GPM6A: variants seen among roughly 807,000 people sequenced by gnomAD.
The protein encoded by GPM6A is glycoprotein M6A.
In GPM6A, 7 loss-of-function variants were observed where a neutral mutation model predicts 32.1. The ratio of observed to expected loss-of-function variants is 0.22; its 90% CI spans 0.12 to 0.41. The LOEUF is 0.41. Ranked by LOEUF, GPM6A falls within the 10% of genes least tolerant of loss-of-function variation. GPM6A has a pLI of 1.00. For missense variants in GPM6A, 235 were observed against 347.2 expected (o/e 0.68, Z 2.57); for synonymous variants, 130 against 123.4 (o/e 1.05, Z -0.35).
intron 3 of GPM6A, among the ~76,000 whole-genome samples, chr4:175,660,081 G>T (rs1395354672): frequency 6.6e-6 from 1 of 152,030 alleles, no homozygotes; most frequent in Non-Finnish European, 1.5e-5. Flanking sequence ...ACAAGTAAAA[G>T]ATTTTGGGGG....
intron 1 of GPM6A, among the ~76,000 whole-genome samples, chr4:175,924,964 G>A (rs1738786795): frequency 6.6e-6 from 1 of 151,136 alleles, no homozygotes; most frequent in Non-Finnish European, 1.5e-5. Context: ...TTTTAATTTT[G>A]TAAAGAACAT....
intron 6 of GPM6A, 100 bp from the exon 7 acceptor site, chr4:175,635,157 G>T: frequency 1.2e-6 from 1 of 836,678 alleles, no homozygotes; most frequent in Non-Finnish European, 1.9e-6. Context: ...CTCTTTATAG[G>T]AAATGTTCAC....
At chr4:175,783,053 A>G (rs1333642058) in intron 1 of GPM6A, among the ~76,000 whole-genome samples, 2 of 152,016 alleles carry the variant, frequency 1.3e-5, no homozygotes. Flanking sequence ...TAGTTTAATG[A>G]CAGTTTATTT....
At chr4:175,824,865 G>A (rs185472249) in intron 1 of GPM6A, among the ~76,000 whole-genome samples, 82 of 152,242 alleles carry the variant, frequency 5.4e-4, no homozygotes, top group African/African-American at 1.9e-3. Flanking sequence ...CTACAACTAC[G>A]AGGAAGCAAA....
At chr4:175,840,307 T>G (rs1384639664) in intron 1 of GPM6A, among the ~76,000 whole-genome samples, 1 of 152,228 alleles carries the variant, frequency 6.6e-6, no homozygotes, top group Admixed American at 6.5e-5. Flanking sequence ...TAAAGAAATT[T>G]TCTCCATTAT....
At chr4:175,685,044 C>T (rs538026599) in intron 2 of GPM6A, among the ~76,000 whole-genome samples, 6 of 152,136 alleles carry the variant, frequency 3.9e-5, no homozygotes, top group Non-Finnish European at 4.4e-5. Context: ...CCCACCACCA[C>T]GCCCGGCTAA....
At chr4:175,876,463 A>G (rs1349263581) in intron 1 of GPM6A, among the ~76,000 whole-genome samples, 1 of 152,202 alleles carries the variant, frequency 6.6e-6, no homozygotes, top group Non-Finnish European at 1.5e-5. Flanking sequence ...ATTTCTGGAG[A>G]GAAAATATGC....
At chr4:175,695,600 G>A (rs1460757777) in intron 2 of GPM6A, among the ~76,000 whole-genome samples, 1 of 152,190 alleles carries the variant, frequency 6.6e-6, no homozygotes, top group African/African-American at 2.4e-5. Flanking sequence ...CCCAATGCCT[G>A]TAACTCAATT....
intron 1 of GPM6A, among the ~76,000 whole-genome samples, chr4:175,761,056 A>C (rs1661963433): frequency 6.6e-6 from 1 of 152,120 alleles, no homozygotes; most frequent in Admixed American, 6.5e-5. Flanking sequence ...TGAGGGAGAA[A>C]GTTATGTATC....
intron 1 of GPM6A, among the ~76,000 whole-genome samples, chr4:175,733,460 G>A (rs1370911059): frequency 6.6e-6 from 1 of 152,090 alleles, no homozygotes; most frequent in Non-Finnish European, 1.5e-5. Context: ...CCAAGATTGC[G>A]CCACTGCACT....
At chr4:175,664,104 T>C (rs551278672) in intron 3 of GPM6A, among the ~76,000 whole-genome samples, 14 of 152,288 alleles carry the variant, frequency 9.2e-5, no homozygotes, top group Non-Finnish European at 2.1e-4. Context: ...AAAAGCTATA[T>C]ACTACATGAT....
intron 2 of GPM6A, among the ~76,000 whole-genome samples, chr4:175,693,548 C>T (rs2111042758): frequency 6.6e-6 from 1 of 152,016 alleles, no homozygotes; most frequent in Admixed American, 6.6e-5. Context: ...AGCAAATCAC[C>T]TCATTTCAAG....
At chr4:175,889,239 C>T (rs751603867) in intron 1 of GPM6A, among the ~76,000 whole-genome samples, 1 of 151,840 alleles carries the variant, frequency 6.6e-6, no homozygotes. Flanking sequence ...TATTTTTAAG[C>T]GACAAATAAT....
intron 1 of GPM6A, among the ~76,000 whole-genome samples, chr4:175,711,853 A>T (rs557146542): frequency 1.3e-5 from 2 of 152,196 alleles, no homozygotes; most frequent in African/African-American, 4.8e-5. Context: ...CGCTCAATGA[A>T]TTCCACTCAT....
chr4:175,885,810 T>C (rs1320042755), intron 1 of GPM6A, among the ~76,000 whole-genome samples: 2 of 152,196 alleles, frequency 1.3e-5, no homozygotes, highest in Non-Finnish European at 2.9e-5. Context: ...TGAAAACTAA[T>C]TGGTCTGTAA....
chr4:175,842,716 A>C (rs1057322077), intron 1 of GPM6A, among the ~76,000 whole-genome samples: 7 of 152,118 alleles, frequency 4.6e-5, no homozygotes, highest in Non-Finnish European at 8.8e-5. Flanking sequence ...AATTTAAAAA[A>C]CAGAGAGAAT....
chr4:175,873,579 G>T (rs11133117), intron 1 of GPM6A, among the ~76,000 whole-genome samples: 60,811 of 151,890 alleles, frequency 0.4, 13,014 homozygotes, highest in African/African-American at 0.57. Context: ...TGGCCCTGTT[G>T]TTTTCTCATA....
rs996949087 is a variant in GPM6A, at chr4:175,660,165, C to T, written c.388-8178G>A. Among the ~76,000 whole-genome samples the T allele has an allele frequency of 5.9e-5, 9 of 151,794 alleles. 1 individual carries two copies. Among genetic ancestry groups the T allele is most frequent in the African/African-American group, 2.2e-4 (9 of 41,292 alleles). On this transcript the variant is annotated intron_variant, in intron 3 of 6. Coordinates refer to ENST00000393658, the MANE Select transcript of GPM6A (RefSeq NM_201591.3). ...CTGTAATCCCAGCAATTTGGGAGGC[C>T]GAGGCAGGTGGATCACGAGGTCAGG... is the stretch of plus-strand genomic sequence containing the variant.
At chr4:175,872,659 T>C (rs191344119) in intron 1 of GPM6A, 224 of 152,322 alleles carry the variant, frequency 1.5e-3, no homozygotes, top group African/African-American at 5.1e-3. Context: ...TTTTGAGTAC[T>C]TACAGTAAAG....
Sources: gnomAD v4.1 joint callset for allele counts (sites outside exome capture counted in the v4.1 genomes callset) on GRCh38, gnomAD v4.1.1 for gene constraint, MANE v1.5 for transcripts, NCBI Gene and HGNC (gene_info 2026-07-23, HGNC 2026-07-21) for gene names.